AGRN: variants seen among roughly 807,000 people sequenced by gnomAD.
AGRN encodes the protein agrin.
A neutral mutation model predicts 211.0 loss-of-function variants in AGRN; 106 were observed. The observed-to-expected ratio is 0.50, with a 90% confidence interval of 0.43 to 0.59. The LOEUF (loss-of-function observed/expected upper bound fraction) is 0.59. Ranked by LOEUF, AGRN falls within the 20% of genes least tolerant of loss-of-function variation. The pLI is 0.00. For synonymous variants in AGRN, 1,525 were observed against 1,332.5 expected, an observed-to-expected ratio of 1.14 and a Z score of -3.15; for missense variants, 3,040 against 2,982.6, an observed-to-expected ratio of 1.02 and a Z score of -0.45.
chr1:1,048,719 A>G lies in AGRN; in HGVS notation c.4106-148A>G, dbSNP rs1645174341. The stretch of plus-strand genomic sequence containing the variant: ...CAGGCGGAGGTTGCGGTGAGCCAGG[A>G]TCGCGCCACTGCACTCCAGCCGGGG... On this transcript the variant is annotated intron_variant, in intron 23 of 35. Coordinates refer to ENST00000379370, the MANE Select transcript of AGRN (RefSeq NM_198576.4). The surrounding 1 kb of genome is among the most constrained non-coding windows in gnomAD (Gnocchi z 5.9). 1.0e-6 allele frequency: 1 copy of G among 956,420 alleles called. No homozygotes were observed. The highest frequency in any genetic ancestry group is 1.8e-5 in the African/African-American group (1 of 56,734). 59.2% of individuals were successfully genotyped at this position (956,420 alleles called of 1,614,324 possible).
rs920023755 is a variant in AGRN at position 1,036,683 on chromosome 1, C to T, written c.511+1359C>T. Among the ~76,000 whole-genome samples the T allele has an allele frequency of 1.9e-4, 29 of 152,226 alleles. 1 individual carries two copies. Among genetic ancestry groups the T allele is most frequent in the Admixed American group, 1.6e-3 (25 of 15,300 alleles). ...CTAGCCCTGCAACCTGTCTGTTGGC[C>T]CCCAGCCCCTGATGGCCCTCCAACA... On this transcript the variant is annotated intron_variant, in intron 3 of 35. Coordinates refer to ENST00000379370, the MANE Select transcript of AGRN (RefSeq NM_198576.4).
Position 1,041,280 on chromosome 1 carries a change from G to A in AGRN, c.835G>A (p.Ala279Thr), listed in dbSNP as rs1200008931. The A allele has an allele frequency of 1.5e-5, 23 of 1,508,912 alleles. No individual in the cohort carries two copies. Among genetic ancestry groups the A allele is most frequent in the Non-Finnish European group, 2.0e-5 (23 of 1,134,662 alleles). 93.5% of individuals were successfully genotyped at this position (1,508,912 alleles called of 1,614,324 possible). ...SCLCPATCRG[A>T]PEGTVCGSDG... ...CCTGTGCCCCGCGACCTGCCGTGGC[G>A]CCCCCGAGGGGACCGTCTGCGGCAG... The change falls in exon 5 of 36, where the codon GCC becomes ACC. Residue 279 changes from alanine to threonine, a missense_variant. By Grantham distance (58) the Ala-to-Thr change is moderately conservative. This residue lies in a region of AGRN where 1,498 missense variants were observed against 1,457.8 expected (regional missense o/e 1.03). Coordinates refer to ENST00000379370, the MANE Select transcript of AGRN (RefSeq NM_198576.4).
rs1254274054 is a variant in AGRN, at chr1:1,032,835, G to A, written c.464-2442G>A. ...TGCGGGTGGCCAGGGGTGTGCGGGG[G>A]CGCTGAGGTGCGGTCGCCGAGAGAT... On this transcript the variant is annotated intron_variant, in intron 2 of 35. Transcript: ENST00000379370. This position sits in a 1 kb window ranked among gnomAD's most constrained non-coding sequence, Gnocchi z 4.7. Among the ~76,000 whole-genome samples the A allele has an allele frequency of 6.6e-6, 1 of 152,128 alleles. No individual in the cohort carries two copies. Among genetic ancestry groups the A allele is most frequent in the African/African-American group, 2.4e-5 (1 of 41,416 alleles).
chr1:1,047,924 A>G (rs1175589791), intron 22 of AGRN, 29 bp downstream of exon 22: 13 of 1,602,752 alleles, frequency 8.1e-6, no homozygotes, highest in Non-Finnish European at 1.1e-5. Context: ...GCCACAGCTT[A>G]CCTGCCCCCT....
rs922422425 is a variant in AGRN, at chr1:1,047,367, C to T, written c.3429C>T (p.Val1143=). ...VFQGVLELEG[V]EGQELFYTPE... is the part of the protein sequence containing the mutation. ...AGGGCGTCCTGGAGCTGGAGGGCGT[C>T]GAGGGCCAGGAGCTGTTCTACACGC... The change falls in exon 20 of 36, where the codon GTC becomes GTT. Residue 1143 remains valine (V), a synonymous_variant. Transcript: ENST00000379370. The T allele has an allele frequency of 5.0e-6, 8 of 1,609,842 alleles. No individual in the cohort carries two copies. The highest frequency in any genetic ancestry group is 2.7e-5 in the African/African-American group (2 of 74,838).
In AGRN at chr1:1,048,207, G is replaced by C. The variant is rs536126911; in HGVS notation, c.3947G>C (p.Ser1316Thr). The change falls in exon 23 of 36, where the codon AGC becomes ACC. Residue 1316 changes from serine (S) to threonine (T), a missense_variant. Coordinates refer to ENST00000379370, the MANE Select transcript of AGRN (RefSeq NM_198576.4). The surrounding 1 kb of genome is among the most constrained non-coding windows in gnomAD (Gnocchi z 5.9). The stretch of plus-strand genomic sequence containing the variant: ...CGTCGGCCCCCCACCACTGCCCCCA[G>C]CCGTGTGCCCGGACGTCGGCCCCCG... Reference protein sequence around the residue: ...TTRRPPTTAPSRVPGRRPPAP... With the variant: ...TTRRPPTTAPTRVPGRRPPAP... The C allele has an allele frequency of 6.4e-7, 1 of 1,558,116 alleles. No homozygotes were observed. The highest frequency in any genetic ancestry group is 1.4e-5 in the African/African-American group (1 of 73,644).
rs1645411859 is a variant in AGRN, at chr1:1,054,906, G to A, written c.6063G>A (p.Val2021=). The change falls in exon 36 of 36, where the codon GTG becomes GTA. Residue 2021 remains valine, a synonymous_variant. Coordinates refer to ENST00000379370, the MANE Select transcript of AGRN (RefSeq NM_198576.4). ...TGFVGCLRDV[V]VGRHPLHLLE... ...TTGTGGGCTGCTTGCGGGACGTGGT[G>A]GTGGGCCGGCACCCGCTGCACCTGC... The A allele has an allele frequency of 1.3e-6, 2 of 1,549,170 alleles. No individual in the cohort carries two copies.
In AGRN at chr1:1,051,309, C is replaced by T. The variant is rs764302006; in HGVS notation, c.5310C>T (p.Asp1770=). Residue 1770 remains aspartate, a synonymous_variant, in exon 31 of 36, where the codon GAC becomes GAT. Transcript: ENST00000379370. ...CGCTCTACGTAGGGGGCGCTCCCGA[C>T]TTCAGCAAGCTGGCCCGTGCTGCTG... ...KEPLYVGGAP[D]FSKLARAAAV... is the part of the protein sequence containing the mutation. 1.3e-6 allele frequency: 2 copies of T among 1,571,160 alleles called. No individual in the cohort carries two copies. The highest frequency in any genetic ancestry group is 1.7e-6 in the Non-Finnish European group (2 of 1,159,030).
rs1570131775 is a variant in AGRN at position 1,022,352 on chromosome 1, A to C, written c.353A>C (p.Asn118Thr). 6.2e-7 allele frequency: 1 copy of C among 1,613,144 alleles called. No individual in the cohort carries two copies. The highest frequency in any genetic ancestry group is 1.1e-5 in the South Asian group (1 of 91,070). The change falls in exon 2 of 36, where the codon AAC becomes ACC. Residue 118 changes from asparagine (N) to threonine (T), a missense_variant. Asn to Thr is a moderately conservative substitution (Grantham distance 65). Transcript: ENST00000379370. ...STGDTRIFFV[N>T]PAPPYLWPAH... is the part of the protein sequence containing the mutation. ...GGGGACACCAGGATCTTCTTTGTGA[A>C]CCCTGCACCCCCATACCTGTGGCCA... is the stretch of plus-strand genomic sequence containing the variant.
rs767005691 is a variant in AGRN at position 1,049,327 on chromosome 1, C to T, written c.4390C>T (p.Arg1464Cys). 1.5e-5 allele frequency: 24 copies of T among 1,596,244 alleles called. 1 individual carries two copies. Among genetic ancestry groups the T allele is most frequent in the African/African-American group, 8.1e-5 (6 of 74,094 alleles). ...WHRLELSRHWRRGTLSVDGET... is the reference protein window; with the variant it reads ...WHRLELSRHWCRGTLSVDGET... ...CCGCCTGGAGCTGTCCCGGCACTGG[C>T]GCCGGGGCACCCTCTCGGTGGATGG... Residue 1464 changes from arginine to cysteine, a missense_variant, in exon 25 of 36, where the codon CGC becomes TGC. By Grantham distance (180) the Arg-to-Cys change is radical. Transcript: ENST00000379370.
At position 1,041,230 on chromosome 1, in the gene AGRN, C is replaced by G. The variant is rs1340043809; in HGVS notation, c.785C>G (p.Ser262Trp). Residue 262 changes from serine to tryptophan, a missense_variant, in exon 5 of 36, where the codon TCG (serine) becomes TGG (tryptophan). Around this residue, in one of 3 missense-constraint regions of AGRN, gnomAD observed 1,498 missense variants for 1,457.8 expected, o/e 1.03. Coordinates refer to ENST00000379370, the MANE Select transcript of AGRN (RefSeq NM_198576.4). ...AGCTTCGGCAGCACCTGTGCGCGCT[C>G]GGCCGACGGGCTGACGGCCTCGTGC... ...TCSFGSTCAR[S>W]ADGLTASCLC... The G allele has an allele frequency of 1.3e-6, 2 of 1,483,358 alleles. No individual in the cohort carries two copies. Among genetic ancestry groups the G allele is most frequent in the South Asian group, 2.5e-5 (2 of 79,320 alleles). The allele number at this position is 1,483,358 out of a possible 1,614,324, so 91.9% of individuals were successfully genotyped here.
At position 1,048,171 on chromosome 1, in the gene AGRN, C is replaced by T. The variant is rs1309593266; in HGVS notation, c.3911C>T (p.Ala1304Val). ...TSQPVAKTTA[A>V]PTTRRPPTTA... Reference sequence around the variant, plus strand: ...CAGCCCGTTGCCAAGACCACGGCAGCCCCCACCACACGTCGGCCCCCCACC... The same window carrying T: ...CAGCCCGTTGCCAAGACCACGGCAGTCCCCACCACACGTCGGCCCCCCACC... The change falls in exon 23 of 36, where the codon GCC becomes GTC. Residue 1304 changes from alanine to valine, a missense_variant. Ala to Val is a moderately conservative substitution (Grantham distance 64, BLOSUM62 0). Transcript: ENST00000379370. The surrounding 1 kb of genome is among the most constrained non-coding windows in gnomAD (Gnocchi z 5.9). 5 of 1,578,574 alleles carry T rather than the reference C, an allele frequency of 3.2e-6. No individual in the cohort carries two copies. Among genetic ancestry groups the T allele is most frequent in the Admixed American group, 3.5e-5 (2 of 57,798 alleles).
At position 1,044,415 on chromosome 1, in the gene AGRN, G is replaced by A. The variant is rs774546870; in HGVS notation, c.2230G>A (p.Val744Ile). The A allele has an allele frequency of 3.9e-5, 63 of 1,611,334 alleles. No homozygotes were observed. The highest frequency in any genetic ancestry group is 8.4e-5 in the Admixed American group (5 of 59,846). Residue 744 changes from valine to isoleucine, a missense_variant, in exon 12 of 36, where the codon GTA (valine) becomes ATA (isoleucine). Val to Ile is a conservative substitution (Grantham distance 29, BLOSUM62 3). Transcript: ENST00000379370. ...GTGTGAGTCACAGCGAGGGCTCTAC[G>A]TAGCGGCCCAGGGAGCCTGCCGAGG... is the stretch of plus-strand genomic sequence containing the variant. ...ARCESQRGLY[V>I]AAQGACRGPT...
chr1:1,033,440 G>C (rs2100601342), intron 2 of AGRN, among the ~76,000 whole-genome samples: 1 of 151,384 alleles, frequency 6.6e-6, no homozygotes, highest in East Asian at 2.0e-4. Flanking sequence ...CCCCGCGGGT[G>C]CGGGGCGCGG....
At chr1:1,053,078 T>C (rs1200261328) in intron 33 of AGRN, 6 of 220,508 alleles carry the variant, frequency 2.7e-5, no homozygotes, top group African/African-American at 1.2e-4. Context: ...CATGCACACA[T>C]GCATGTGTGT....
chr1:1,054,743 C>T (rs1038178705), intron 35 of AGRN, 81 bp from the exon 36 acceptor site: 24 of 1,525,442 alleles, frequency 1.6e-5, no homozygotes, highest in Non-Finnish European at 1.9e-5. Context: ...GGTGTGGGCC[C>T]CCTGCTGGTC....
chr1:1,044,953 T>G (rs550378556), intron 12 of AGRN, among the ~76,000 whole-genome samples: 95 of 152,290 alleles, frequency 6.2e-4, no homozygotes, highest in Non-Finnish European at 1.2e-3. Context: ...GTGTGTTGTG[T>G]GTTCCTGGAT....
At chr1:1,045,042 G>T in intron 12 of AGRN, 119 bp from the exon 13 acceptor site, 1 of 1,133,932 alleles carries the variant, frequency 8.8e-7, no homozygotes. Context: ...GGGCTCCTCT[G>T]GGAGCTGGGA....
At chr1:1,030,061 ATG>A (rs1411227264) in intron 2 of AGRN, among the ~76,000 whole-genome samples, 6 of 80,448 alleles carry the variant, frequency 7.5e-5, no homozygotes, top group African/African-American at 1.1e-4. Flanking sequence ...TGAGATCAGC[ATG>A]TGTGTGTGTG....
Sources: allele counts gnomAD v4.1 joint callset (sites outside exome capture counted in the v4.1 genomes callset), GRCh38; gene constraint gnomAD v4.1.1; regional missense constraint gnomAD v4.1.1; non-coding constraint Gnocchi (gnomAD v3.1); transcripts MANE v1.5; gene names NCBI Gene and HGNC (gene_info 2026-07-23, HGNC 2026-07-21).